The following MKX variants were observed in gnomAD, a reference collection of about 807,000 sequenced individuals.
The protein encoded by MKX is mohawk homeobox, also known as homeobox protein Mohawk.
A neutral mutation model predicts 36.0 loss-of-function variants in MKX; 13 were observed. That is an observed-to-expected ratio of 0.36 (90% CI 0.24 to 0.57). The LOEUF (loss-of-function observed/expected upper bound fraction) is 0.57. Ranked by LOEUF, MKX falls within the 20% of genes least tolerant of loss-of-function variation. The pLI, the probability that MKX is intolerant of heterozygous loss-of-function variation, is 0.79. For synonymous variants in MKX, 176 were observed against 178.3 expected, an observed-to-expected ratio of 0.99 and a Z score of 0.10; for missense variants, 458 against 456.4, an observed-to-expected ratio of 1.00 and a Z score of -0.03.
chr10:27,743,138 C>T, intron 2 of MKX, 90 bp downstream of exon 2: 3 of 1,276,062 alleles, frequency 2.4e-6, no homozygotes, highest in Middle Eastern at 2.7e-4. Context: ...CCCGTCCACC[C>T]GCCCGCGTTG....
intron 5 of MKX, among the ~76,000 whole-genome samples, chr10:27,703,519 G>A (rs201858049): frequency 4.0e-5 from 6 of 148,960 alleles, no homozygotes; most frequent in African/African-American, 4.9e-5. Context: ...GACATCTATG[G>A]AAAAAAAAAA....
chr10:27,676,380 C>CTTTTTTTTTTTTT (rs1176984277), intron 5 of MKX, among the ~76,000 whole-genome samples: 1 of 127,794 alleles, frequency 7.8e-6, no homozygotes, highest in Non-Finnish European at 1.6e-5. Flanking sequence ...TTTTCTTTTT[C>CTTTTTTTTTTTTT]TTTTTTTTTT....
Position 27,715,375 on chromosome 10 carries a change from C to T in MKX, c.838+19081G>A, listed in dbSNP as rs12242862. On this transcript the variant is annotated intron_variant, in intron 5 of 6. Coordinates refer to ENST00000419761, the MANE Select transcript of MKX (RefSeq NM_173576.3). ...GCCTCAAATGCTCACAGTGGCACTC[C>T]GGGAGAAAGGATCTGAAGTAAGACG... Among the ~76,000 whole-genome samples the T allele has an allele frequency of 9.3e-3, 1,415 of 152,164 alleles. 19 individuals carry two copies. The highest frequency in any genetic ancestry group is 0.032 in the African/African-American group (1,321 of 41,508).
chr10:27,734,694 C>T lies in MKX; in HGVS notation c.600G>A (p.Ala200=), dbSNP rs779331895. ...TGGCCCGTGACTCTGGCCTCACTCC[C>T]GCTTTGATGACCGAATTCTCACTTT... ...VIKSENSVIK[A]GVRPESRASE... Residue 200 remains alanine (A), a synonymous_variant, in exon 5 of 7, where the codon GCG becomes GCA. Transcript: ENST00000419761. The T allele has an allele frequency of 1.4e-5, 23 of 1,613,970 alleles. No homozygotes were observed. Among genetic ancestry groups the T allele is most frequent in the Admixed American group, 1.2e-4 (7 of 59,988 alleles).
chr10:27,685,507 G>A (rs1324471931), intron 5 of MKX, among the ~76,000 whole-genome samples: 1 of 146,290 alleles, frequency 6.8e-6, no homozygotes, highest in Non-Finnish European at 1.5e-5. Flanking sequence ...GGAGTGCTGT[G>A]GCACGATCTC....
intron 5 of MKX, among the ~76,000 whole-genome samples, chr10:27,696,386 C>G (rs1297441624): frequency 6.6e-6 from 1 of 152,120 alleles, no homozygotes; most frequent in South Asian, 2.1e-4. Flanking sequence ...CAACTGCAAA[C>G]ATTGTTTTTG....
chr10:27,721,770 C>T (rs1444728464), intron 5 of MKX, among the ~76,000 whole-genome samples: 1 of 152,008 alleles, frequency 6.6e-6, no homozygotes, highest in African/African-American at 2.4e-5. Context: ...GCACATGTAT[C>T]CCAGAACTTA....
intron 5 of MKX, among the ~76,000 whole-genome samples, chr10:27,725,924 G>C (rs1031544244): frequency 6.6e-6 from 1 of 152,136 alleles, no homozygotes; most frequent in African/African-American, 2.4e-5. Context: ...CTTTATGCCA[G>C]CTTTGAGTTT....
At chr10:27,718,207 GA>G (rs1419204393) in intron 5 of MKX, among the ~76,000 whole-genome samples, 1 of 151,902 alleles carries the variant, frequency 6.6e-6, no homozygotes, top group African/African-American at 2.4e-5. Context: ...TTATTACTAA[GA>G]AGAAGAAGAA....
chr10:27,727,625 T>C (rs1415338578), intron 5 of MKX, among the ~76,000 whole-genome samples: 2 of 152,370 alleles, frequency 1.3e-5, no homozygotes, highest in South Asian at 2.1e-4. Context: ...ATCCCATGCA[T>C]ATTCAAAGGG....
rs534294321 is a variant in MKX, at chr10:27,720,329, A to G, written c.838+14127T>C. Among the ~76,000 whole-genome samples the G allele has an allele frequency of 2.0e-5, 3 of 152,194 alleles. No individual in the cohort carries two copies. The South Asian group carries it at 6.2e-4, about 32-fold the overall frequency. Reference sequence around the variant, plus strand: ...GTGCAAGGAGACCATTAGGAAAAAAAAAAAGAAAGCTAAAGACAAATCTCA... The same window carrying G: ...GTGCAAGGAGACCATTAGGAAAAAAGAAAAGAAAGCTAAAGACAAATCTCA... On this transcript the variant is annotated intron_variant, in intron 5 of 6. Transcript: ENST00000419761.
In MKX at chr10:27,741,263, G is replaced by C; in HGVS notation, c.348+82C>G. ...CCTCTCCAGGTAGAAGCGCCACGTG[G>C]AGAGCCACACGAACTCTAAGCGTTC... On this transcript the variant is annotated intron_variant, in intron 3 of 6. Transcript: ENST00000419761. This position sits in a 1 kb window ranked among gnomAD's most constrained non-coding sequence, Gnocchi z 5.1. 3 of 1,557,302 alleles carry C rather than the reference G, an allele frequency of 1.9e-6. No individual in the cohort carries two copies. The highest frequency in any genetic ancestry group is 2.6e-6 in the Non-Finnish European group (3 of 1,144,064).
chr10:27,701,368 TTA>T (rs60262269), intron 5 of MKX, among the ~76,000 whole-genome samples: 2,389 of 145,124 alleles, frequency 0.016, 25 homozygotes, highest in Non-Finnish European at 0.02. Flanking sequence ...AAAGATGATT[TTA>T]TATATATATA....
intron 5 of MKX, among the ~76,000 whole-genome samples, chr10:27,687,499 C>A (rs1276931955): frequency 3.3e-5 from 5 of 152,154 alleles, no homozygotes; most frequent in African/African-American, 2.4e-5. Context: ...GGAGCTACAG[C>A]CCTGGCTGGT....
rs1427954866 is a variant in MKX at position 27,742,116 on chromosome 10, A to C, written c.189-612T>G. ...TTTGTGGAGGAAAGCTGCAGAACCC[A>C]AAAACACCGTCGGGCCGTTTCCCGA... On this transcript the variant is annotated intron_variant, in intron 2 of 6. Transcript: ENST00000419761. The surrounding 1 kb of genome is among the most constrained non-coding windows in gnomAD (Gnocchi z 4.2). Among the ~76,000 whole-genome samples the C allele has an allele frequency of 2.6e-5, 4 of 152,228 alleles. No individual in the cohort carries two copies. The highest frequency in any genetic ancestry group is 3.9e-4 in the East Asian group (2 of 5,170).
At position 27,730,527 on chromosome 10, in the gene MKX, G is replaced by A. The variant is rs560526951; in HGVS notation, c.838+3929C>T. On this transcript the variant is annotated intron_variant, in intron 5 of 6. Coordinates refer to ENST00000419761, the MANE Select transcript of MKX (RefSeq NM_173576.3). ...GGCTGGAGTGCAGTGGTACAATCTC[G>A]GCTCACTGCAACCTCTGCCTCCTGG... 4.7e-5 allele frequency among the ~76,000 whole-genome samples: 7 copies of A among 149,070 alleles called. No individual in the cohort carries two copies. The South Asian group carries it at 6.4e-4, about 14-fold the overall frequency.
chr10:27,731,270 T>C (rs1025562911), intron 5 of MKX, among the ~76,000 whole-genome samples: 6 of 151,174 alleles, frequency 4.0e-5, no homozygotes, highest in Non-Finnish European at 8.8e-5. Context: ...GGGGAGGGGG[T>C]GTTAATACAG....
intron 2 of MKX, 145 bp downstream of exon 2, chr10:27,743,083 C>G (rs564127439): frequency 7.3e-6 from 5 of 687,564 alleles, no homozygotes; most frequent in Middle Eastern, 4.3e-4. Flanking sequence ...AATGCGCGAG[C>G]CCTGGAGGGG....
chr10:27,713,130 T>C (rs555970168), intron 5 of MKX, among the ~76,000 whole-genome samples: 20 of 152,276 alleles, frequency 1.3e-4, no homozygotes, highest in Middle Eastern at 3.4e-3. Context: ...ATATGTGGAA[T>C]GGCAACACGA....
Sources: allele counts gnomAD v4.1 joint callset (sites outside exome capture counted in the v4.1 genomes callset), GRCh38; gene constraint gnomAD v4.1.1; non-coding constraint Gnocchi (gnomAD v3.1); transcripts MANE v1.5; gene names NCBI Gene and HGNC (gene_info 2026-07-23, HGNC 2026-07-21).